The following PRDM10 variants were observed in gnomAD, a reference collection of about 807,000 sequenced individuals.
PRDM10 encodes the protein PR domain zinc finger protein 10.
In PRDM10, 65 loss-of-function variants were observed where a neutral mutation model predicts 133.1. That is an observed-to-expected ratio of 0.49 (90% CI 0.40 to 0.60). The LOEUF is 0.60. PRDM10 is among the 20% of genes least tolerant of loss of function. The probability of loss-of-function intolerance (pLI) is 0.00; values close to 1 mark genes in which losing one functional copy is unlikely to be tolerated. For missense variants in PRDM10, 1,137 were observed against 1,507.1 expected, an observed-to-expected ratio of 0.75 and a Z score of 4.07; for synonymous variants, 582 against 580.4, an observed-to-expected ratio of 1.00 and a Z score of -0.04.
In PRDM10 at chr11:129,947,372, T is replaced by C; in HGVS notation, c.295-2A>G. On this transcript the variant is annotated splice_acceptor_variant, in intron 4 of 20. Coordinates refer to ENST00000360871, the MANE Select transcript of PRDM10 (RefSeq NM_199437.2). LOFTEE classifies it high-confidence loss of function. The surrounding 1 kb of genome is among the most constrained non-coding windows in gnomAD (Gnocchi z 4.6). ...CTGGTTATGAACTGGCAATGAGGCC[T>C]GGGCAAAAGTTGAAGGCACAGAGTA... 2 of 1,614,218 alleles carry C rather than the reference T, an allele frequency of 1.2e-6. No individual in the cohort carries two copies. Among genetic ancestry groups the C allele is most frequent in the Non-Finnish European group, 1.7e-6 (2 of 1,180,030 alleles).
At position 129,918,276 on chromosome 11, in the gene PRDM10, T is replaced by C. The variant is rs191273413; in HGVS notation, c.2214+263A>G. Among the ~76,000 whole-genome samples, 4 of 138,770 alleles carry C rather than the reference T, an allele frequency of 2.9e-5. No homozygotes were observed. In the South Asian group the frequency reaches 6.8e-4, roughly 24 times the overall value. 91.0% of individuals were successfully genotyped at this position (138,770 alleles called of 152,430 possible). A position where few individuals can be genotyped will look rare whatever the true frequency, so the allele number is the denominator to read the frequency against. On this transcript the variant is annotated intron_variant, in intron 14 of 20. Transcript: ENST00000360871. The surrounding 1 kb of genome is among the most constrained non-coding windows in gnomAD (Gnocchi z 5.3). Reference sequence around the variant, plus strand: ...GGGTAAAGAAAAACAAAAGTAGTAATGAAAAGTGATTAAAAAAAAAAAAAG... The same window carrying C: ...GGGTAAAGAAAAACAAAAGTAGTAACGAAAAGTGATTAAAAAAAAAAAAAG...
chr11:129,969,304 G>T (rs2135942144), intron 1 of PRDM10, among the ~76,000 whole-genome samples: 1 of 152,198 alleles, frequency 6.6e-6, no homozygotes, highest in South Asian at 2.1e-4. Context: ...CTTGGGCTTG[G>T]TTTAAGTGAG....
chr11:129,950,263 C>T (rs140565086), intron 4 of PRDM10, among the ~76,000 whole-genome samples: 105 of 152,142 alleles, frequency 6.9e-4, no homozygotes, highest in African/African-American at 2.2e-3. Context: ...TCTAAAGAAA[C>T]GGTACTGAGT....
chr11:129,944,894 G>A lies in PRDM10; in HGVS notation c.639C>T (p.Tyr213=). The A allele has an allele frequency of 1.2e-6, 2 of 1,614,158 alleles. No homozygotes were observed. Among genetic ancestry groups the A allele is most frequent in the Non-Finnish European group, 1.7e-6 (2 of 1,180,036 alleles). ...RARASLPLVL[Y]IDRFLGGVFS... ...ACACCCCGCCCAGAAACCTGTCTATGTAGAGCACCAGGGGGAGGCTCGCCC... is the reference window on the plus strand; with the variant it reads ...ACACCCCGCCCAGAAACCTGTCTATATAGAGCACCAGGGGGAGGCTCGCCC... The change falls in exon 6 of 21, where the codon TAC becomes TAT. Residue 213 remains tyrosine (Y), a synonymous_variant. Coordinates refer to ENST00000360871, the MANE Select transcript of PRDM10 (RefSeq NM_199437.2).
At chr11:129,984,720 T>G (rs1440075114) in intron 1 of PRDM10, among the ~76,000 whole-genome samples, 1 of 152,228 alleles carries the variant, frequency 6.6e-6, no homozygotes, top group Admixed American at 6.5e-5. Flanking sequence ...GCAACACCTC[T>G]GCAACCTCTT....
At position 129,914,954 on chromosome 11, in the gene PRDM10, T is replaced by C; in HGVS notation, c.2591A>G (p.His864Arg). Reference protein sequence around the residue: ...PEFAQLSNTIHTPLTTAVISA... With the variant: ...PEFAQLSNTIRTPLTTAVISA... ...GATCACAGCTGTCGTCAGTGGTGTG[T>C]GTATGGTGTTGGAGAGCTGGGCGAA... Residue 864 changes from histidine (H) to arginine (R), a missense_variant, in exon 17 of 21, where the codon CAC (histidine) becomes CGC (arginine). Transcript: ENST00000360871. 6.2e-7 allele frequency: 1 copy of C among 1,613,992 alleles called. No individual in the cohort carries two copies.
At chr11:129,930,333 C>T (rs374658344) in intron 11 of PRDM10, among the ~76,000 whole-genome samples, 1 of 152,154 alleles carries the variant, frequency 6.6e-6, no homozygotes. Flanking sequence ...TATTGTTTTC[C>T]ACACGAATCC....
intron 13 of PRDM10, among the ~76,000 whole-genome samples, chr11:129,920,866 C>T (rs760584716): frequency 1.1e-4 from 17 of 152,136 alleles, no homozygotes; most frequent in African/African-American, 3.9e-4. Flanking sequence ...GGCATGATTT[C>T]GCCTCACCAC....
Position 129,905,363 on chromosome 11 carries a change from G to GAAAAA in PRDM10, c.3267+270_3267+274dup, listed in dbSNP as rs57268294. Among the ~76,000 whole-genome samples the GAAAAA allele has an allele frequency of 2.4e-4, 17 of 69,402 alleles. 1 individual carries two copies. The highest frequency in any genetic ancestry group is 5.1e-4 in the East Asian group (1 of 1,972). 45.5% of individuals were successfully genotyped at this position (69,402 alleles called of 152,430 possible). On this transcript the variant is annotated intron_variant, in intron 20 of 20. Coordinates refer to ENST00000360871, the MANE Select transcript of PRDM10 (RefSeq NM_199437.2). Reference sequence around the variant, plus strand: ...GGCGACACAGCAAGACTCTGTCTCAGAAAAAAAAAAAAAAAAAAAAGGCTC... The same window carrying GAAAAA: ...GGCGACACAGCAAGACTCTGTCTCAGAAAAAAAAAAAAAAAAAAAAAAAAAGGCTC...
intron 1 of PRDM10, among the ~76,000 whole-genome samples, chr11:129,964,207 G>A (rs1182656942): frequency 6.6e-6 from 1 of 152,170 alleles, no homozygotes; most frequent in East Asian, 1.9e-4. Context: ...GGGGTGCTGC[G>A]GGGATCGGCA....
chr11:129,988,652 C>T (rs1297666333), intron 1 of PRDM10, among the ~76,000 whole-genome samples: 10 of 150,176 alleles, frequency 6.7e-5, no homozygotes, highest in African/African-American at 2.0e-4. Flanking sequence ...TTTTTTGAGA[C>T]GGAATCTCGC....
chr11:129,914,699 A>T lies in PRDM10; in HGVS notation c.2841+5T>A, dbSNP rs183483249. The T allele has an allele frequency of 6.2e-7, 1 of 1,614,122 alleles. No homozygotes were observed. The highest frequency in any genetic ancestry group is 8.5e-7 in the Non-Finnish European group (1 of 1,180,042). The stretch of plus-strand genomic sequence containing the variant: ...AAGGCAAAGGGAAACCAAGGCACGC[A>T]GTACCGAGGCCACTTGAACCACTTG... On this transcript the variant is annotated splice_donor_5th_base_variant and intron_variant, in intron 17 of 20. Coordinates refer to ENST00000360871, the MANE Select transcript of PRDM10 (RefSeq NM_199437.2).
intron 4 of PRDM10, among the ~76,000 whole-genome samples, chr11:129,949,217 G>C (rs767435200): frequency 1.3e-5 from 2 of 152,126 alleles, no homozygotes; most frequent in South Asian, 4.1e-4. Flanking sequence ...TTGGAGTCAG[G>C]CATTTAGAGT....
In PRDM10 at chr11:129,912,153, G is replaced by T. The variant is rs759348638; in HGVS notation, c.2914C>A (p.Gln972Lys). ...ATGTGCTGCACCTGGATGGCGTGCT[G>T]GGGGTAGGGCTGAGGATCATGGAGC... Reference protein sequence around the residue: ...GQLHDPQPYPQHAIQVQHIQV... With the variant: ...GQLHDPQPYPKHAIQVQHIQV... Residue 972 changes from glutamine to lysine, a missense_variant, in exon 18 of 21, where the codon CAG (glutamine) becomes AAG (lysine). This residue lies in a region of PRDM10 where 243 missense variants were observed against 259.2 expected (regional missense o/e 0.94). Transcript: ENST00000360871. The T allele has an allele frequency of 9.9e-6, 16 of 1,612,776 alleles. No individual in the cohort carries two copies. The East Asian group carries it at 3.6e-4, about 36-fold the overall frequency.
At chr11:129,926,047 G>A (rs530043218) in intron 11 of PRDM10, among the ~76,000 whole-genome samples, 22 of 152,334 alleles carry the variant, frequency 1.4e-4, no homozygotes, top group African/African-American at 5.1e-4. Context: ...AGAATAGCTA[G>A]TTAGTTCTAC....
In PRDM10 at chr11:129,925,018, T is replaced by A; in HGVS notation, c.1742A>T (p.Gln581Leu). The change falls in exon 12 of 21, where the codon CAG (glutamine) becomes CTG (leucine). Residue 581 changes from glutamine (Q) to leucine (L), a missense_variant. Gln to Leu is a moderately radical substitution (Grantham distance 113). Coordinates refer to ENST00000360871, the MANE Select transcript of PRDM10 (RefSeq NM_199437.2). Reference protein sequence around the residue: ...LESHMKLHSDQKTYSCIFCPE... With the variant: ...LESHMKLHSDLKTYSCIFCPE... Reference sequence around the variant, plus strand: ...GCAAAAAATGCAAGAGTAAGTCTTCTGGTCTGAGTGGAGCTTCATGTGGCT... The same window carrying A: ...GCAAAAAATGCAAGAGTAAGTCTTCAGGTCTGAGTGGAGCTTCATGTGGCT... 6.2e-7 allele frequency: 1 copy of A among 1,614,216 alleles called. No homozygotes were observed. Among genetic ancestry groups the A allele is most frequent in the Non-Finnish European group, 8.5e-7 (1 of 1,180,032 alleles).
chr11:129,947,938 C>T lies in PRDM10; in HGVS notation c.295-568G>A, dbSNP rs570147277. The T allele has an allele frequency of 7.0e-6, 3 of 427,204 alleles. No homozygotes were observed. The highest frequency in any genetic ancestry group is 5.1e-5 in the Admixed American group (2 of 39,080). 26.5% of individuals were successfully genotyped at this position (427,204 alleles called of 1,614,324 possible). The stretch of plus-strand genomic sequence containing the variant: ...ACACTGGAGGGGGTAAATGAGTTGA[C>T]CTATCCTCAACCACTTGTCTTTTAA... On this transcript the variant is annotated intron_variant, in intron 4 of 20. Transcript: ENST00000360871. This position sits in a 1 kb window ranked among gnomAD's most constrained non-coding sequence, Gnocchi z 4.6.
rs1009544563 is a variant in PRDM10 at position 129,923,681 on chromosome 11, A to G, written c.1879-278T>C. On this transcript the variant is annotated intron_variant, in intron 12 of 20. Coordinates refer to ENST00000360871, the MANE Select transcript of PRDM10 (RefSeq NM_199437.2). This position sits in a 1 kb window ranked among gnomAD's most constrained non-coding sequence, Gnocchi z 4.4. ...GAGAGAGAGAGAGAGAGAGAGAGAG[A>G]GAGAGAGAGAGAGTGCTTGCTTGGT... Among the ~76,000 whole-genome samples the G allele has an allele frequency of 6.6e-6, 1 of 151,344 alleles. No individual in the cohort carries two copies. The highest frequency in any genetic ancestry group is 1.9e-4 in the East Asian group (1 of 5,162).
chr11:129,963,385 A>AGAAGAGAAGAGAAGG lies in PRDM10; in HGVS notation c.-118-2304_-118-2303insCCTTCTCTTCTCTTC, dbSNP rs2135929951. Among the ~76,000 whole-genome samples the AGAAGAGAAGAGAAGG allele has an allele frequency of 3.2e-5, 3 of 92,896 alleles. No homozygotes were observed. In the South Asian group the frequency reaches 1.5e-3, roughly 45 times the overall value. 60.9% of individuals were successfully genotyped at this position (92,896 alleles called of 152,430 possible). On this transcript the variant is annotated intron_variant, in intron 1 of 20. Transcript: ENST00000360871. ...GAGACCCTGCTGAAAGAAAAAAGAGAGAAGAGAAGAGAAGAGAAGAGAAGA... is the reference window on the plus strand; with the variant it reads ...GAGACCCTGCTGAAAGAAAAAAGAGAGAAGAGAAGAGAAGGGAAGAGAAGAGAAGAGAAGAGAAGA...
Sources: gnomAD v4.1 joint callset for allele counts (sites outside exome capture counted in the v4.1 genomes callset) on GRCh38, gnomAD v4.1.1 for gene constraint, gnomAD v4.1.1 regional missense constraint, Gnocchi (gnomAD v3.1) non-coding constraint, MANE v1.5 for transcripts, NCBI Gene and HGNC (gene_info 2026-07-23, HGNC 2026-07-21) for gene names.